Variants in HIVEP3 observed in about 807,000 individuals in gnomAD.
The protein encoded by HIVEP3 is HIVEP zinc finger 3.
Under a neutral mutation model 152.8 loss-of-function variants are expected in HIVEP3, and 49 were observed. That is an observed-to-expected ratio of 0.32 (90% CI 0.26 to 0.41). The LOEUF (loss-of-function observed/expected upper bound fraction) is 0.41. HIVEP3 is among the 10% of genes least tolerant of loss of function. The probability of loss-of-function intolerance (pLI) is 1.00; values close to 1 mark genes in which losing one functional copy is unlikely to be tolerated. For synonymous variants in HIVEP3, 1,269 were observed against 1,289.0 expected (o/e 0.98, Z 0.33); for missense variants, 2,790 against 3,103.3 (o/e 0.90, Z 2.40).
At chr1:41,766,711 C>T (rs749585704) in intron 1 of HIVEP3, among the ~76,000 whole-genome samples, 1 of 152,234 alleles carries the variant, frequency 6.6e-6, no homozygotes, top group South Asian at 2.1e-4. Flanking sequence ...TTGGCTCAGT[C>T]CAGTGGGCAG....
At chr1:42,018,395 T>C (rs1645535704) in intron 1 of HIVEP3, among the ~76,000 whole-genome samples, 1 of 151,790 alleles carries the variant, frequency 6.6e-6, no homozygotes, top group South Asian at 2.1e-4. Context: ...GCAGCTAGAA[T>C]TGATATTTGT....
chr1:41,543,198 G>A (rs1263758316), intron 5 of HIVEP3: 2 of 152,240 alleles, frequency 1.3e-5, no homozygotes, highest in African/African-American at 2.4e-5. Flanking sequence ...TCAAGGCACA[G>A]CCACGAGCTG....
chr1:41,970,365 G>A (rs910861650), intron 1 of HIVEP3, among the ~76,000 whole-genome samples: 1 of 152,180 alleles, frequency 6.6e-6, no homozygotes, highest in South Asian at 2.1e-4. Context: ...CCATAAAAAG[G>A]TATGAGATCA....
At chr1:41,548,964 T>A (rs1260604022) in intron 5 of HIVEP3, among the ~76,000 whole-genome samples, 1 of 152,218 alleles carries the variant, frequency 6.6e-6, no homozygotes, top group Non-Finnish European at 1.5e-5. Context: ...GCTGGTTTGC[T>A]GCACCCATTA....
At chr1:41,813,802 G>A (rs940309765) in intron 1 of HIVEP3, among the ~76,000 whole-genome samples, 6 of 152,076 alleles carry the variant, frequency 3.9e-5, no homozygotes, top group African/African-American at 9.7e-5. Context: ...AGCCAGCCTC[G>A]ACAAGAGACA....
intron 3 of HIVEP3, among the ~76,000 whole-genome samples, chr1:41,589,735 C>T (rs776609902): frequency 5.9e-5 from 9 of 152,172 alleles, no homozygotes; most frequent in Non-Finnish European, 1.0e-4. Context: ...GGGCAGGGGC[C>T]TGATGTCCAA....
intron 1 of HIVEP3, among the ~76,000 whole-genome samples, chr1:41,898,928 C>T (rs951361033): frequency 6.6e-6 from 1 of 152,254 alleles, no homozygotes; most frequent in Non-Finnish European, 1.5e-5. Context: ...AATTAATACA[C>T]CAATTGCTCC....
intron 6 of HIVEP3, among the ~76,000 whole-genome samples, chr1:41,519,332 G>C (rs1642696263): frequency 6.6e-6 from 1 of 152,200 alleles, no homozygotes; most frequent in Non-Finnish European, 1.5e-5. Context: ...CAGCAGCTCT[G>C]TGGAATCAGG....
intron 1 of HIVEP3, among the ~76,000 whole-genome samples, chr1:41,827,101 C>G (rs541387694): frequency 3.3e-5 from 5 of 152,298 alleles, no homozygotes; most frequent in African/African-American, 1.2e-4. Flanking sequence ...ATGGTCACCA[C>G]GCTGCCCCAG....
chr1:41,595,011 C>G (rs1420566238), intron 3 of HIVEP3, among the ~76,000 whole-genome samples: 1 of 152,204 alleles, frequency 6.6e-6, no homozygotes, highest in Non-Finnish European at 1.5e-5. Context: ...TCTGAAATGT[C>G]TGTGGTGTCT....
intron 1 of HIVEP3, among the ~76,000 whole-genome samples, chr1:41,905,306 G>C (rs1356190283): frequency 3.3e-5 from 5 of 152,180 alleles, no homozygotes; most frequent in African/African-American, 1.2e-4. Flanking sequence ...GCTAGCAGGT[G>C]ACAAAGGAAA....
intron 2 of HIVEP3, among the ~76,000 whole-genome samples, chr1:41,680,994 G>A (rs1646029712): frequency 6.6e-6 from 1 of 152,014 alleles, no homozygotes; most frequent in Admixed American, 6.5e-5. Flanking sequence ...CCCTGGAGGG[G>A]GTATTAATAC....
intron 1 of HIVEP3, among the ~76,000 whole-genome samples, chr1:41,811,355 G>A (rs1012847516): frequency 5.3e-5 from 8 of 150,860 alleles, no homozygotes; most frequent in South Asian, 2.1e-4. Flanking sequence ...TCTTCTGCTT[G>A]CTTGTTTGTT....
chr1:41,844,996 C>A (rs1018120700), intron 1 of HIVEP3, among the ~76,000 whole-genome samples: 8 of 152,142 alleles, frequency 5.3e-5, no homozygotes, highest in Non-Finnish European at 1.2e-4. Flanking sequence ...TGCCACAGGG[C>A]CTTTGCACTG....
intron 1 of HIVEP3, among the ~76,000 whole-genome samples, chr1:41,825,002 A>G (rs1384050444): frequency 1.3e-5 from 2 of 151,926 alleles, no homozygotes; most frequent in African/African-American, 4.8e-5. Context: ...CCTCCCGAGT[A>G]GATGGGATTA....
At chr1:42,021,368 G>C (rs1645552670) in intron 1 of HIVEP3, among the ~76,000 whole-genome samples, 1 of 152,108 alleles carries the variant, frequency 6.6e-6, no homozygotes, top group South Asian at 2.1e-4. Flanking sequence ...TTATAGGAAA[G>C]AAAAGACTCA....
intron 1 of HIVEP3, among the ~76,000 whole-genome samples, chr1:41,735,597 A>G (rs1253544774): frequency 1.3e-5 from 2 of 151,962 alleles, no homozygotes; most frequent in Non-Finnish European, 2.9e-5. Flanking sequence ...GCAACTTTCT[A>G]CCACTCTGCC....
chr1:41,732,795 TAC>T (rs1310906390), intron 1 of HIVEP3, among the ~76,000 whole-genome samples: 1 of 152,114 alleles, frequency 6.6e-6, no homozygotes, highest in Non-Finnish European at 1.5e-5. Flanking sequence ...CACTTCAAGC[TAC>T]AGTCTCCAGA....
chr1:41,580,920 G>C lies in HIVEP3; in HGVS notation c.3878C>G (p.Pro1293Arg), dbSNP rs1338728910. The change falls in exon 4 of 9, where the codon CCA (proline) becomes CGA (arginine). Residue 1293 changes from proline (P) to arginine (R), a missense_variant. Physicochemically the swap from Pro to Arg is moderately radical, Grantham distance 103. Transcript: ENST00000372583. ...SDIRLPPVAPPASSSAPTSAP... is the reference protein window; with the variant it reads ...SDIRLPPVAPRASSSAPTSAP... ...TGATGTAGGTGCTGAGGAGCTGGCT[G>C]GGGGAGCCACAGGGGGTAGCCGGAT... The C allele has an allele frequency of 6.2e-7, 1 of 1,612,466 alleles. No individual in the cohort carries two copies. The highest frequency in any genetic ancestry group is 1.1e-5 in the South Asian group (1 of 90,638).
Sources: allele counts gnomAD v4.1 joint callset (sites outside exome capture counted in the v4.1 genomes callset), GRCh38; gene constraint gnomAD v4.1.1; transcripts MANE v1.5; gene names NCBI Gene and HGNC (gene_info 2026-07-23, HGNC 2026-07-21).